The following FBXL7 variants were observed in gnomAD, a reference collection of about 807,000 sequenced individuals.
The protein encoded by FBXL7 is F-box/LRR-repeat protein 7.
In FBXL7, 12 loss-of-function variants were observed where a neutral mutation model predicts 38.3. The ratio of observed to expected loss-of-function variants is 0.31; its 90% CI spans 0.20 to 0.51. The LOEUF is 0.51. Ranked by LOEUF, FBXL7 falls within the 20% of genes least tolerant of loss-of-function variation. FBXL7 has a pLI of 0.98. For missense variants in FBXL7, 567 were observed against 676.4 expected (o/e 0.84, Z 1.79); for synonymous variants, 297 against 300.9 (o/e 0.99, Z 0.13).
intron 2 of FBXL7, among the ~76,000 whole-genome samples, chr5:15,670,040 G>A (rs1201609564): frequency 6.6e-6 from 1 of 152,178 alleles, no homozygotes; most frequent in African/African-American, 2.4e-5. Context: ...TATGGAGACT[G>A]TGCCATCAAG....
At chr5:15,808,132 A>G (rs993268364) in intron 2 of FBXL7, among the ~76,000 whole-genome samples, 2 of 102,180 alleles carry the variant, frequency 2.0e-5, no homozygotes, top group Non-Finnish European at 4.8e-5. Context: ...TGGCTAATTT[A>G]TGATTTTTTT....
At chr5:15,678,070 T>C (rs1258511108) in intron 2 of FBXL7, among the ~76,000 whole-genome samples, 1 of 152,138 alleles carries the variant, frequency 6.6e-6, no homozygotes, top group African/African-American at 2.4e-5. Context: ...GAAATGAAGC[T>C]GTCTTTGCTG....
chr5:15,897,301 C>T (rs1287156696), intron 2 of FBXL7, among the ~76,000 whole-genome samples: 2 of 152,152 alleles, frequency 1.3e-5, no homozygotes, highest in Non-Finnish European at 1.5e-5. Context: ...CTAAATCTAA[C>T]GCCTTTGTTC....
At chr5:15,797,301 G>C (rs945988676) in intron 2 of FBXL7, among the ~76,000 whole-genome samples, 2 of 152,222 alleles carry the variant, frequency 1.3e-5, no homozygotes, top group Non-Finnish European at 2.9e-5. Flanking sequence ...CAGGTCAACA[G>C]CTGTAATGTA....
At chr5:15,877,621 C>G (rs1740264903) in intron 2 of FBXL7, among the ~76,000 whole-genome samples, 1 of 151,922 alleles carries the variant, frequency 6.6e-6, no homozygotes, top group Admixed American at 6.6e-5. Flanking sequence ...CTGTAGGTAG[C>G]AAAAGACAGA....
intron 2 of FBXL7, among the ~76,000 whole-genome samples, chr5:15,731,939 C>T (rs575466207): frequency 6.6e-5 from 10 of 152,254 alleles, no homozygotes; most frequent in Non-Finnish European, 1.5e-4. Context: ...TGTCAAGTCT[C>T]ACTTCAGGAC....
At chr5:15,539,078 A>G (rs917210311) in intron 1 of FBXL7, among the ~76,000 whole-genome samples, 1 of 152,230 alleles carries the variant, frequency 6.6e-6, no homozygotes, top group Non-Finnish European at 1.5e-5. Flanking sequence ...TTTCACATAA[A>G]ACATACTTAT....
intron 2 of FBXL7, among the ~76,000 whole-genome samples, chr5:15,855,156 G>T (rs1739218586): frequency 1.3e-5 from 2 of 151,916 alleles, no homozygotes; most frequent in Admixed American, 1.3e-4. Context: ...AAGGGCCATG[G>T]TTTATTTTTC....
At chr5:15,611,380 T>C (rs1740230728) in intron 1 of FBXL7, among the ~76,000 whole-genome samples, 1 of 151,092 alleles carries the variant, frequency 6.6e-6, no homozygotes, top group Non-Finnish European at 1.5e-5. Flanking sequence ...CCAAGTGTAG[T>C]GTTGAAGAGC....
chr5:15,912,418 A>G (rs1201391656), intron 2 of FBXL7, among the ~76,000 whole-genome samples: 2 of 143,062 alleles, frequency 1.4e-5, no homozygotes, highest in Admixed American at 6.9e-5. Context: ...GCCTGCGCCC[A>G]CTGTCTGGCA....
At chr5:15,859,174 G>A (rs1193210586) in intron 2 of FBXL7, among the ~76,000 whole-genome samples, 2 of 152,182 alleles carry the variant, frequency 1.3e-5, no homozygotes, top group African/African-American at 4.8e-5. Context: ...CCCCTACTGT[G>A]TCCACCAGGA....
At chr5:15,826,921 CT>C (rs534242338) in intron 2 of FBXL7, among the ~76,000 whole-genome samples, 2,823 of 143,148 alleles carry the variant, frequency 0.02, 80 homozygotes, top group African/African-American at 0.064. Context: ...GTACCTGTGG[CT>C]TTTTTTTTTT....
chr5:15,685,472 GA>G (rs1280163539), intron 2 of FBXL7, among the ~76,000 whole-genome samples: 1 of 152,164 alleles, frequency 6.6e-6, no homozygotes. Context: ...AAGACATGGG[GA>G]GACTATTTCA....
At chr5:15,514,990 C>T (rs1580346309) in intron 1 of FBXL7, among the ~76,000 whole-genome samples, 3 of 152,164 alleles carry the variant, frequency 2.0e-5, no homozygotes, top group Admixed American at 2.0e-4. Flanking sequence ...TGCCTTCTCT[C>T]CTTGCCTTTC....
At chr5:15,788,147 C>A (rs1236188988) in intron 2 of FBXL7, among the ~76,000 whole-genome samples, 1 of 152,128 alleles carries the variant, frequency 6.6e-6, no homozygotes, top group Non-Finnish European at 1.5e-5. Flanking sequence ...CTTAGAACAC[C>A]TTTTATTGGA....
At chr5:15,634,725 G>A (rs369117378) in intron 2 of FBXL7, among the ~76,000 whole-genome samples, 2 of 152,264 alleles carry the variant, frequency 1.3e-5, no homozygotes, top group African/African-American at 4.8e-5. Flanking sequence ...AGTCTGAAGC[G>A]AGTCTTAGAG....
At chr5:15,801,791 T>C (rs768514851) in intron 2 of FBXL7, among the ~76,000 whole-genome samples, 9 of 151,132 alleles carry the variant, frequency 6.0e-5, no homozygotes, top group Non-Finnish European at 1.2e-4. Context: ...CTAAAGATTC[T>C]AACCCCAAAT....
At chr5:15,638,721 G>A (rs1741266363) in intron 2 of FBXL7, among the ~76,000 whole-genome samples, 1 of 152,142 alleles carries the variant, frequency 6.6e-6, no homozygotes, top group Non-Finnish European at 1.5e-5. Context: ...TAAGCAGTTT[G>A]TACACCTGGT....
chr5:15,528,949 ACT>A lies in FBXL7; in HGVS notation c.37+28241_37+28242del, dbSNP rs577162811. Reference sequence around the variant, plus strand: ...TTTCTGTTATAAGAACATAAAATCTACTCTCTTAGCAATTTTTAAGTATACAT... The same window carrying A: ...TTTCTGTTATAAGAACATAAAATCTACTCTTAGCAATTTTTAAGTATACAT... On this transcript the variant is annotated intron_variant, in intron 1 of 3. Coordinates refer to ENST00000504595, the MANE Select transcript of FBXL7 (RefSeq NM_012304.5). Among the ~76,000 whole-genome samples, 84 of 152,186 alleles carry A rather than the reference ACT, an allele frequency of 5.5e-4. No individual in the cohort carries two copies. The South Asian group carries it at 0.017, about 30-fold the overall frequency.
Sources: gnomAD v4.1 joint callset for allele counts (sites outside exome capture counted in the v4.1 genomes callset) on GRCh38, gnomAD v4.1.1 for gene constraint, MANE v1.5 for transcripts, NCBI Gene and HGNC (gene_info 2026-07-23, HGNC 2026-07-21) for gene names.